DISP1: variants seen among roughly 807,000 people sequenced by gnomAD.
The protein encoded by DISP1 is dispatched RND transporter family member 1.
In DISP1, 30 loss-of-function variants were observed where a neutral mutation model predicts 37.3. The observed-to-expected ratio is 0.80, with a 90% CI of 0.60 to 1.09. The LOEUF (loss-of-function observed/expected upper bound fraction) is 1.09. Ranked by LOEUF, DISP1 falls within the 50% of genes least tolerant of loss-of-function variation. The pLI, the probability that DISP1 is intolerant of heterozygous loss-of-function variation, is 0.00. For synonymous variants in DISP1, 634 were observed against 690.2 expected, an observed-to-expected ratio of 0.92 and a Z score of 1.28; for missense variants, 1,598 against 1,879.5, an observed-to-expected ratio of 0.85 and a Z score of 2.77.
chr1:222,998,822 C>A (rs1679249764), intron 8 of DISP1, among the ~76,000 whole-genome samples: 1 of 152,120 alleles, frequency 6.6e-6, no homozygotes, highest in South Asian at 2.1e-4. Context: ...CTTTTGTAGA[C>A]AGCTAGAAAA....
At chr1:222,819,209 C>G (rs962597212) in intron 1 of DISP1, among the ~76,000 whole-genome samples, 49 of 152,182 alleles carry the variant, frequency 3.2e-4, no homozygotes, top group African/African-American at 1.2e-3. Context: ...TCTTCGCCTT[C>G]TGCAATGATT....
chr1:222,883,601 G>C (rs993842491), intron 1 of DISP1, among the ~76,000 whole-genome samples: 1 of 152,202 alleles, frequency 6.6e-6, no homozygotes, highest in African/African-American at 2.4e-5. Context: ...TGGCGACAGA[G>C]CGAGACTCTG....
intron 3 of DISP1, chr1:222,979,987 G>T (rs1677714396): frequency 6.4e-6 from 1 of 155,066 alleles, no homozygotes; most frequent in Admixed American, 6.4e-5. Flanking sequence ...GGAAAAAAAG[G>T]TTAATTGCTA....
intron 1 of DISP1, among the ~76,000 whole-genome samples, chr1:222,820,333 C>A (rs143939254): frequency 4.3e-4 from 66 of 152,252 alleles, no homozygotes; most frequent in Non-Finnish European, 7.6e-4. Flanking sequence ...GTGTGATACC[C>A]ATGGGGCTTG....
chr1:222,937,383 C>T (rs1048287620), intron 2 of DISP1, among the ~76,000 whole-genome samples: 40 of 151,174 alleles, frequency 2.6e-4, no homozygotes, highest in African/African-American at 9.9e-4. Context: ...AGCCACTGCG[C>T]CCTGCCCCTC....
chr1:222,871,217 G>A (rs999498059), intron 1 of DISP1, among the ~76,000 whole-genome samples: 16 of 152,248 alleles, frequency 1.1e-4, no homozygotes, highest in Middle Eastern at 3.4e-3. Context: ...TTTGAAGTCC[G>A]GTAGCATGAT....
chr1:222,880,348 C>T (rs556637483), intron 1 of DISP1, among the ~76,000 whole-genome samples: 20 of 152,106 alleles, frequency 1.3e-4, no homozygotes, highest in South Asian at 2.1e-4. Flanking sequence ...TTTCATTGTT[C>T]GTGCTTTTCT....
At chr1:222,889,670 G>C (rs1345081151) in intron 1 of DISP1, among the ~76,000 whole-genome samples, 1 of 151,960 alleles carries the variant, frequency 6.6e-6, no homozygotes, top group Non-Finnish European at 1.5e-5. Flanking sequence ...GTTAGGTTAA[G>C]AGACATGGGA....
At position 222,992,094 on chromosome 1, in the gene DISP1, T is replaced by C; in HGVS notation, c.873T>C (p.Phe291=). 1 of 1,613,642 alleles carries C rather than the reference T, an allele frequency of 6.2e-7. No homozygotes were observed. Among genetic ancestry groups the C allele is most frequent in the East Asian group, 2.2e-5 (1 of 44,856 alleles). ...EVDWNFHKDS[F]FCDVPSDRYS... ...ACTGGAACTTCCACAAGGACAGCTTTTTCTGCGACGTTCCAAGTGAGTGAC... is the reference window on the plus strand; with the variant it reads ...ACTGGAACTTCCACAAGGACAGCTTCTTCTGCGACGTTCCAAGTGAGTGAC... Residue 291 remains phenylalanine (F), a synonymous_variant, in exon 7 of 9, where the codon TTT becomes TTC. Transcript: ENST00000675850.
intron 1 of DISP1, among the ~76,000 whole-genome samples, chr1:222,917,613 A>G (rs756782443): frequency 6.6e-6 from 1 of 152,202 alleles, no homozygotes; most frequent in African/African-American, 2.4e-5. Context: ...TTATTTCAAA[A>G]TTCGAGAGAA....
At chr1:222,901,892 G>A (rs1335643195) in intron 1 of DISP1, among the ~76,000 whole-genome samples, 2 of 152,180 alleles carry the variant, frequency 1.3e-5, no homozygotes, top group African/African-American at 4.8e-5. Flanking sequence ...AACCCAGATG[G>A]AAAGTGTGAG....
rs1292279104 is a variant in DISP1 at position 222,896,775 on chromosome 1, G to A, written c.-158-31655G>A. Among the ~76,000 whole-genome samples, 6 of 152,238 alleles carry A rather than the reference G, an allele frequency of 3.9e-5. No individual in the cohort carries two copies. The East Asian group carries it at 1.2e-3, about 29-fold the overall frequency. On this transcript the variant is annotated intron_variant, in intron 1 of 8. Transcript: ENST00000675850. ...AAAAGACACACAAAGAAGATATACA[G>A]ATGGCCAATAAGCACATGGAAAGAT...
intron 2 of DISP1, among the ~76,000 whole-genome samples, chr1:222,937,370 G>A (rs1674026251): frequency 6.6e-6 from 1 of 151,956 alleles, no homozygotes; most frequent in African/African-American, 2.4e-5. Flanking sequence ...GATTACAGGC[G>A]TGAGCCACTG....
intron 1 of DISP1, among the ~76,000 whole-genome samples, chr1:222,916,396 T>C (rs1054106577): frequency 3.9e-5 from 6 of 152,248 alleles, no homozygotes; most frequent in African/African-American, 1.4e-4. Flanking sequence ...TTTGGGATGG[T>C]AATGGTCAGC....
intron 1 of DISP1, among the ~76,000 whole-genome samples, chr1:222,819,100 A>G (rs1431982330): frequency 6.6e-6 from 1 of 152,104 alleles, no homozygotes; most frequent in Non-Finnish European, 1.5e-5. Context: ...TTGTCTCATG[A>G]TAGAGTTCTC....
At chr1:222,902,106 A>T (rs1671624658) in intron 1 of DISP1, among the ~76,000 whole-genome samples, 1 of 151,108 alleles carries the variant, frequency 6.6e-6, no homozygotes, top group Non-Finnish European at 1.5e-5. Flanking sequence ...TCAAAAAACC[A>T]GCTCCTGGAT....
At chr1:222,980,745 T>C (rs1003324584) in intron 3 of DISP1, among the ~76,000 whole-genome samples, 2 of 152,222 alleles carry the variant, frequency 1.3e-5, no homozygotes, top group Non-Finnish European at 2.9e-5. Context: ...ATTTTTGGTA[T>C]CCTTTATAAT....
intron 1 of DISP1, among the ~76,000 whole-genome samples, chr1:222,881,068 A>G (rs898215483): frequency 6.6e-6 from 1 of 152,166 alleles, no homozygotes; most frequent in East Asian, 1.9e-4. Context: ...CTCTAGAAAA[A>G]CAAAGGTCTG....
intron 3 of DISP1, among the ~76,000 whole-genome samples, chr1:222,946,370 T>G (rs1353588446): frequency 8.3e-6 from 1 of 120,122 alleles, no homozygotes; most frequent in Non-Finnish European, 1.6e-5. Flanking sequence ...GGCGACAAAG[T>G]GAGACTCCAT....
Sources: gnomAD v4.1 joint callset for allele counts (sites outside exome capture counted in the v4.1 genomes callset) on GRCh38, gnomAD v4.1.1 for gene constraint, MANE v1.5 for transcripts, NCBI Gene and HGNC (gene_info 2026-07-23, HGNC 2026-07-21) for gene names.